SLC24A2: variants seen among roughly 807,000 people sequenced by gnomAD.
The protein encoded by SLC24A2 is solute carrier family 24 member 2.
In SLC24A2, 36 loss-of-function variants were observed where a neutral mutation model predicts 62.0. The observed-to-expected ratio is 0.58, with a 90% CI of 0.44 to 0.77. The LOEUF (loss-of-function observed/expected upper bound fraction) is 0.77. SLC24A2 is among the 30% of genes least tolerant of loss of function. The pLI is 0.00. For synonymous variants in SLC24A2, 358 were observed against 294.0 expected (o/e 1.22, Z -2.23); for missense variants, 846 against 817.9 (o/e 1.03, Z -0.42).
At chr9:19,973,758 T>C in the SLC24A2 span, among the ~76,000 whole-genome samples, 2 of 152,244 alleles carry the variant, frequency 1.3e-5, no homozygotes, top group East Asian at 3.8e-4. Flanking sequence ...TTTAAGATTC[T>C]TTCAAATGCT....
rs1209523460 is a variant in SLC24A2, at chr9:19,573,365, C to G, written c.1333G>C (p.Gly445Arg). Reference protein sequence around the residue: ...QNGNLSHNIEGAEAQTADEEE... With the variant: ...QNGNLSHNIERAEAQTADEEE... ...AAAAGCCATACCTGGGCTTCTGCACCTTCAATGTTGTGGGAGAGATTTCCA... is the reference window on the plus strand; with the variant it reads ...AAAAGCCATACCTGGGCTTCTGCACGTTCAATGTTGTGGGAGAGATTTCCA... The change falls in exon 7 of 11, where the codon GGT becomes CGT. Residue 445 changes from glycine (G) to arginine (R), a missense_variant. Coordinates refer to ENST00000341998, the MANE Select transcript of SLC24A2 (RefSeq NM_020344.4). The G allele has an allele frequency of 1.2e-6, 2 of 1,610,588 alleles. No homozygotes were observed. Among genetic ancestry groups the G allele is most frequent in the East Asian group, 4.5e-5 (2 of 44,844 alleles).
At chr9:19,654,371 G>A (rs1055790006) in intron 2 of SLC24A2, among the ~76,000 whole-genome samples, 4 of 152,226 alleles carry the variant, frequency 2.6e-5, no homozygotes, top group South Asian at 4.1e-4. Context: ...GGAAGCTAAG[G>A]GTTCCTAAAC....
chr9:20,162,829 C>A, the SLC24A2 span, among the ~76,000 whole-genome samples: 1 of 151,932 alleles, frequency 6.6e-6, no homozygotes, highest in African/African-American at 2.4e-5. Context: ...GTTCAATATA[C>A]GCAAAACAAT....
At chr9:19,836,165 A>G in the SLC24A2 span, among the ~76,000 whole-genome samples, 1 of 152,204 alleles carries the variant, frequency 6.6e-6, no homozygotes, top group African/African-American at 2.4e-5. Context: ...CAATTAAAAG[A>G]ACTAGAGAAG....
the SLC24A2 span, among the ~76,000 whole-genome samples, chr9:20,175,161 A>C: frequency 6.6e-6 from 1 of 151,876 alleles, no homozygotes; most frequent in Non-Finnish European, 1.5e-5. Flanking sequence ...GTATGTTCTC[A>C]CTCGTAAGTG....
At chr9:19,986,816 T>C in the SLC24A2 span, among the ~76,000 whole-genome samples, 2 of 152,126 alleles carry the variant, frequency 1.3e-5, no homozygotes, top group East Asian at 3.8e-4. Flanking sequence ...TTAATGGGTA[T>C]AGATTTACTT....
chr9:19,811,135 A>T, the SLC24A2 span, among the ~76,000 whole-genome samples: 1 of 152,172 alleles, frequency 6.6e-6, no homozygotes, highest in African/African-American at 2.4e-5. Context: ...ACCCTCATGA[A>T]TGAGATGAGT....
the SLC24A2 span, among the ~76,000 whole-genome samples, chr9:19,838,737 T>A: frequency 6.7e-6 from 1 of 149,916 alleles, no homozygotes; most frequent in Non-Finnish European, 1.5e-5. Flanking sequence ...TTCTTTTTAA[T>A]GCCATTGTAA....
At chr9:19,558,353 A>G (rs918283243) in intron 7 of SLC24A2, among the ~76,000 whole-genome samples, 5 of 152,178 alleles carry the variant, frequency 3.3e-5, no homozygotes, top group African/African-American at 1.2e-4. Flanking sequence ...AGGACCTCAA[A>G]TATAAGTTAG....
At chr9:20,074,555 CAGGAAGGAAGGAAGGAAGGA>C in the SLC24A2 span, among the ~76,000 whole-genome samples, 59 of 87,354 alleles carry the variant, frequency 6.8e-4, no homozygotes, top group African/African-American at 2.0e-3. Context: ...GAGAAGAAGG[CAGGAAGGAAGGAAGGAAGGA>C]AGGAAGGAAG....
chr9:20,033,712 G>A, the SLC24A2 span, among the ~76,000 whole-genome samples: 5 of 152,210 alleles, frequency 3.3e-5, no homozygotes, highest in African/African-American at 1.2e-4. Context: ...GCAACTCACA[G>A]AAGTTACCCT....
At chr9:20,284,711 G>A in the SLC24A2 span, among the ~76,000 whole-genome samples, 1 of 152,084 alleles carries the variant, frequency 6.6e-6, no homozygotes, top group Non-Finnish European at 1.5e-5. Flanking sequence ...AGAGAACCAA[G>A]CACAATAAAG....
chr9:19,579,590 T>C (rs1586990695), intron 5 of SLC24A2, among the ~76,000 whole-genome samples: 5 of 152,244 alleles, frequency 3.3e-5, no homozygotes, highest in African/African-American at 7.2e-5. Context: ...CTAAGAAATA[T>C]AGATGATCAA....
intron 2 of SLC24A2, among the ~76,000 whole-genome samples, chr9:19,722,339 G>A (rs1821050460): frequency 6.6e-6 from 1 of 152,086 alleles, no homozygotes; most frequent in Non-Finnish European, 1.5e-5. Context: ...TGTTAATTGA[G>A]CTGAACTGAG....
the SLC24A2 span, among the ~76,000 whole-genome samples, chr9:20,273,393 A>T: frequency 3.9e-5 from 6 of 152,286 alleles, no homozygotes; most frequent in South Asian, 1.0e-3. Flanking sequence ...ATCCAAAGTG[A>T]TATGATTTGC....
chr9:20,305,030 T>C, the SLC24A2 span, among the ~76,000 whole-genome samples: 3 of 151,648 alleles, frequency 2.0e-5, no homozygotes, highest in African/African-American at 7.3e-5. Context: ...GTGGATTGGA[T>C]ATGGAAAACA....
chr9:19,707,720 A>C (rs1167899205), intron 2 of SLC24A2, among the ~76,000 whole-genome samples: 1 of 152,074 alleles, frequency 6.6e-6, no homozygotes, highest in African/African-American at 2.4e-5. Context: ...CATGCTTAAA[A>C]CTCTCAATAA....
chr9:20,153,607 A>G, the SLC24A2 span, among the ~76,000 whole-genome samples: 5 of 151,910 alleles, frequency 3.3e-5, no homozygotes, highest in Non-Finnish European at 7.4e-5. Context: ...CAAAATTGTA[A>G]TTATTGTTCT....
At chr9:20,102,037 G>T in the SLC24A2 span, among the ~76,000 whole-genome samples, 3 of 152,142 alleles carry the variant, frequency 2.0e-5, no homozygotes, top group African/African-American at 7.2e-5. Flanking sequence ...GCAAGCTCTT[G>T]TGTTTACAAT....
Sources: allele counts gnomAD v4.1 joint callset (sites outside exome capture counted in the v4.1 genomes callset), GRCh38; gene constraint gnomAD v4.1.1; transcripts MANE v1.5; gene names NCBI Gene and HGNC (gene_info 2026-07-23, HGNC 2026-07-21).